SAMD12: variants seen among roughly 807,000 people sequenced by gnomAD.
SAMD12 encodes the protein sterile alpha motif domain-containing protein 12.
A neutral mutation model predicts 15.0 loss-of-function variants in SAMD12; 9 were observed. That is an observed-to-expected ratio of 0.60 (90% CI 0.36 to 1.05). SAMD12 has a LOEUF of 1.05. Ranked by LOEUF, SAMD12 falls within the 50% of genes least tolerant of loss-of-function variation. The pLI is 0.01. For synonymous variants in SAMD12, 86 were observed against 90.1 expected, an observed-to-expected ratio of 0.96 and a Z score of 0.25; for missense variants, 230 against 234.2, an observed-to-expected ratio of 0.98 and a Z score of 0.12.
At chr8:118,167,297 C>T in the SAMD12 span, among the ~76,000 whole-genome samples, 1 of 151,938 alleles carries the variant, frequency 6.6e-6, no homozygotes, top group Non-Finnish European at 1.5e-5. Flanking sequence ...ATGGCCTGCT[C>T]CACCACATGC....
chr8:118,611,649 C>T (rs940419054), intron 1 of SAMD12, among the ~76,000 whole-genome samples: 8 of 152,218 alleles, frequency 5.3e-5, no homozygotes, highest in African/African-American at 1.7e-4. Context: ...ATGTACTGCA[C>T]AGGCATATTC....
At chr8:118,547,337 G>C (rs1468877865) in intron 2 of SAMD12, among the ~76,000 whole-genome samples, 1 of 152,136 alleles carries the variant, frequency 6.6e-6, no homozygotes, top group Admixed American at 6.5e-5. Flanking sequence ...ACTTCAGTGA[G>C]GCTTTTTTTT....
At chr8:118,288,162 C>T (rs757657165) in intron 4 of SAMD12, 1 of 152,112 alleles carries the variant, frequency 6.6e-6, no homozygotes, top group African/African-American at 2.4e-5. Flanking sequence ...GGACTCCATG[C>T]TAAAGATTTT....
chr8:118,243,340 A>G (rs1217546495), intron 4 of SAMD12, among the ~76,000 whole-genome samples: 1 of 152,034 alleles, frequency 6.6e-6, no homozygotes, highest in African/African-American at 2.4e-5. Flanking sequence ...GGAGGGGAAA[A>G]ATCCACAAGA....
intron 4 of SAMD12, among the ~76,000 whole-genome samples, chr8:118,223,681 T>A (rs1812128846): frequency 6.6e-6 from 1 of 152,212 alleles, no homozygotes; most frequent in Non-Finnish European, 1.5e-5. Flanking sequence ...TAGGGCTATA[T>A]CTTTTGCCCA....
At chr8:118,396,943 C>G (rs1229482844) in intron 3 of SAMD12, among the ~76,000 whole-genome samples, 1 of 152,100 alleles carries the variant, frequency 6.6e-6, no homozygotes, top group African/African-American at 2.4e-5. Flanking sequence ...TGAAGCAAGA[C>G]AGAAGTTGCC....
chr8:118,210,591 GAAAAAAAC>G (rs531154700), intron 4 of SAMD12, among the ~76,000 whole-genome samples: 101 of 152,138 alleles, frequency 6.6e-4, no homozygotes, highest in African/African-American at 2.3e-3. Flanking sequence ...CATTTGAAAA[GAAAAAAAC>G]AAGAAAACAA....
At chr8:118,233,545 T>C (rs1260805670) in intron 4 of SAMD12, among the ~76,000 whole-genome samples, 3 of 152,148 alleles carry the variant, frequency 2.0e-5, no homozygotes, top group African/African-American at 7.2e-5. Flanking sequence ...CTCTCACCTG[T>C]AAAATGAGGA....
intron 4 of SAMD12, among the ~76,000 whole-genome samples, chr8:118,233,991 C>A (rs537700812): frequency 1.7e-4 from 26 of 152,134 alleles, no homozygotes; most frequent in Admixed American, 1.0e-3. Flanking sequence ...GTTTGGCTCA[C>A]CTTTGGGACA....
At chr8:118,502,932 C>G (rs575183060) in intron 2 of SAMD12, among the ~76,000 whole-genome samples, 1 of 152,268 alleles carries the variant, frequency 6.6e-6, no homozygotes, top group East Asian at 1.9e-4. Flanking sequence ...TTTCTCCCCC[C>G]TTATGGAAGT....
At chr8:118,421,960 G>A (rs1183713752) in intron 3 of SAMD12, among the ~76,000 whole-genome samples, 1 of 152,128 alleles carries the variant, frequency 6.6e-6, no homozygotes, top group African/African-American at 2.4e-5. Flanking sequence ...AAGTAAAATG[G>A]GGTTTCTCCA....
At chr8:118,231,661 A>C (rs1410254900) in intron 4 of SAMD12, among the ~76,000 whole-genome samples, 1 of 152,148 alleles carries the variant, frequency 6.6e-6, no homozygotes, top group Non-Finnish European at 1.5e-5. Flanking sequence ...TTTATTTAGC[A>C]ACTATTTATT....
At chr8:118,285,667 T>C (rs1813941813) in intron 4 of SAMD12, among the ~76,000 whole-genome samples, 1 of 152,162 alleles carries the variant, frequency 6.6e-6, no homozygotes, top group African/African-American at 2.4e-5. Context: ...ACCAGATCTG[T>C]CCTTTTCTAA....
At chr8:118,548,991 G>GC (rs1222095216) in intron 2 of SAMD12, among the ~76,000 whole-genome samples, 2 of 152,268 alleles carry the variant, frequency 1.3e-5, no homozygotes, top group African/African-American at 2.4e-5. Context: ...GCCCGCCATT[G>GC]CGCAGGCTTG....
chr8:118,395,329 G>A (rs1188081705), intron 3 of SAMD12, among the ~76,000 whole-genome samples: 3 of 152,002 alleles, frequency 2.0e-5, no homozygotes, highest in Non-Finnish European at 4.4e-5. Context: ...TGAAGGCCCA[G>A]GCCACTTAGA....
intron 2 of SAMD12, 27 bp from the exon 3 acceptor site, chr8:118,439,988 A>T (rs1349079953): frequency 6.2e-7 from 1 of 1,612,478 alleles, no homozygotes; most frequent in Non-Finnish European, 8.5e-7. Context: ...AAGATCTGTC[A>T]ATGCTGGCCC....
At chr8:118,527,612 C>T (rs1198278935) in intron 2 of SAMD12, among the ~76,000 whole-genome samples, 1 of 152,128 alleles carries the variant, frequency 6.6e-6, no homozygotes, top group East Asian at 1.9e-4. Context: ...GTGATAGCAG[C>T]TATCTTTGCC....
intron 1 of SAMD12, among the ~76,000 whole-genome samples, chr8:118,617,633 T>G (rs893213643): frequency 7.9e-5 from 12 of 152,252 alleles, no homozygotes; most frequent in South Asian, 6.2e-4. Context: ...ATGTACAATG[T>G]CCATCCTCCC....
At chr8:118,599,600 T>C (rs1282213524) in intron 1 of SAMD12, among the ~76,000 whole-genome samples, 1 of 152,172 alleles carries the variant, frequency 6.6e-6, no homozygotes, top group Non-Finnish European at 1.5e-5. Context: ...TTCACAACGA[T>C]TCAATGTTCG....
Sources: gnomAD v4.1 joint callset for allele counts (sites outside exome capture counted in the v4.1 genomes callset) on GRCh38, gnomAD v4.1.1 for gene constraint, MANE v1.5 for transcripts, NCBI Gene and HGNC (gene_info 2026-07-23, HGNC 2026-07-21) for gene names.